Variants in UPF3A observed in about 807,000 individuals in gnomAD.
The protein encoded by UPF3A is regulator of nonsense transcripts 3A.
Under a neutral mutation model 53.5 loss-of-function variants are expected in UPF3A, and 42 were observed. That is an observed-to-expected ratio of 0.78 (90% CI 0.61 to 1.01). The LOEUF (loss-of-function observed/expected upper bound fraction) is 1.01, where lower values mean the gene tolerates loss of function less well. Among genes scored for constraint, UPF3A ranks in the 50% least tolerant of loss-of-function variants. The pLI is 0.00. For missense variants in UPF3A, 575 were observed against 598.0 expected (o/e 0.96, Z 0.40); for synonymous variants, 237 against 225.3 (o/e 1.05, Z -0.47).
At chr13:114,289,439 G>A (rs1271651345) in intron 5 of UPF3A, among the ~76,000 whole-genome samples, 6 of 150,478 alleles carry the variant, frequency 4.0e-5, no homozygotes, top group African/African-American at 1.2e-4. Context: ...CAGGAGAATC[G>A]CTTGAACTCG....
chr13:114,294,683 G>A (rs1023198545), intron 7 of UPF3A, among the ~76,000 whole-genome samples: 2 of 151,510 alleles, frequency 1.3e-5, no homozygotes, highest in African/African-American at 4.9e-5. Context: ...AAAATAGCTG[G>A]GCGTGGTGGC....
chr13:114,291,293 A>G (rs919880419), intron 5 of UPF3A, among the ~76,000 whole-genome samples, 196 bp from the exon 6 acceptor site: 3 of 152,200 alleles, frequency 2.0e-5, no homozygotes, highest in Non-Finnish European at 4.4e-5. Flanking sequence ...GATGTCTACT[A>G]TGTATGAAAT....
rs1398594080 is a variant in UPF3A, at chr13:114,305,086, A to G, written c.*169A>G. On this transcript the variant is annotated 3_prime_UTR_variant, in exon 10 of 10. Transcript: ENST00000375299. Reference sequence around the variant, plus strand: ...AGAAACCATTCTAAAGAAAGTAGTGATCTTGTATTAAATTGAGCAGAATTC... The same window carrying G: ...AGAAACCATTCTAAAGAAAGTAGTGGTCTTGTATTAAATTGAGCAGAATTC... The G allele has an allele frequency of 2.6e-6, 2 of 771,400 alleles. No individual in the cohort carries two copies. The highest frequency in any genetic ancestry group is 3.5e-5 in the African/African-American group (2 of 56,760). The allele number at this position is 771,400 out of a possible 1,614,324, so 47.8% of individuals were successfully genotyped here. A position where few individuals can be genotyped will look rare whatever the true frequency, so the allele number is the denominator to read the frequency against.
Position 114,281,854 on chromosome 13 carries a change from C to CG in UPF3A, c.207+13dup. 7.1e-7 allele frequency: 1 copy of CG among 1,398,736 alleles called. No individual in the cohort carries two copies. The highest frequency in any genetic ancestry group is 1.2e-5 in the South Asian group (1 of 80,868). 86.6% of individuals were successfully genotyped at this position (1,398,736 alleles called of 1,614,324 possible). On this transcript the variant is annotated intron_variant, in intron 1 of 9. Coordinates refer to ENST00000375299, the MANE Select transcript of UPF3A (RefSeq NM_023011.4). ...AGGACGGCCCTGAGCAAGGTGGGGA[C>CG]GGGGGCGGGGCGCGCAAACCTCGCG... is the stretch of plus-strand genomic sequence containing the variant.
intron 8 of UPF3A, among the ~76,000 whole-genome samples, chr13:114,300,842 T>C (rs923474528): frequency 6.6e-6 from 1 of 150,650 alleles, no homozygotes; most frequent in African/African-American, 2.5e-5. Context: ...CCTGGCCTAA[T>C]TTTTGTATTT....
At position 114,298,860 on chromosome 13, in the gene UPF3A, G is replaced by A. The variant is rs779342510; in HGVS notation, c.867G>A (p.Lys289=). ...CTCAGCTTCTTAAGAAACCAGAAAA[G>A]GGAGAGGAACCAACCACAGAGAAAC... The part of the protein sequence containing the change: ...VRIKLLKKPE[K]GEEPTTEKPK... Residue 289 remains lysine, a synonymous_variant, in exon 8 of 10, where the codon AAG becomes AAA. Coordinates refer to ENST00000375299, the MANE Select transcript of UPF3A (RefSeq NM_023011.4). The A allele has an allele frequency of 6.3e-7, 1 of 1,576,880 alleles. No homozygotes were observed. The highest frequency in any genetic ancestry group is 8.6e-7 in the Non-Finnish European group (1 of 1,165,984).
At chr13:114,300,857 T>C (rs1157419369) in intron 8 of UPF3A, among the ~76,000 whole-genome samples, 2 of 151,878 alleles carry the variant, frequency 1.3e-5, no homozygotes, top group Admixed American at 1.3e-4. Flanking sequence ...GTATTTGTAG[T>C]AGAGACAGGA....
At chr13:114,298,799 T>C (rs759466583) in intron 7 of UPF3A, 41 bp from the exon 8 acceptor site, 6 of 1,429,340 alleles carry the variant, frequency 4.2e-6, no homozygotes, top group Non-Finnish European at 4.6e-6. Flanking sequence ...TTTTAAAATA[T>C]GCTCTCAAGG....
chr13:114,299,142 C>G (rs1010231519), intron 8 of UPF3A, 142 bp downstream of exon 8: 5 of 801,772 alleles, frequency 6.2e-6, no homozygotes, highest in Non-Finnish European at 8.9e-6. Flanking sequence ...GCCTTCATTT[C>G]CCATCAGCAT....
At chr13:114,294,591 C>T (rs991143067) in intron 7 of UPF3A, among the ~76,000 whole-genome samples, 15 of 152,216 alleles carry the variant, frequency 9.9e-5, no homozygotes, top group Admixed American at 2.0e-4. Context: ...TTTGGGAGGC[C>T]GAGGCGGGCG....
chr13:114,301,657 T>C, intron 8 of UPF3A, 74 bp from the exon 9 acceptor site: 1 of 1,487,992 alleles, frequency 6.7e-7, no homozygotes, highest in Admixed American at 1.9e-5. Context: ...TCTGGGAACC[T>C]GTGGTCTAGA....
At chr13:114,292,315 G>T (rs536406830) in intron 7 of UPF3A, among the ~76,000 whole-genome samples, 1 of 148,980 alleles carries the variant, frequency 6.7e-6, no homozygotes, top group Admixed American at 6.7e-5. Context: ...GACTCAAGGC[G>T]TACACGTGCA....
intron 7 of UPF3A, among the ~76,000 whole-genome samples, chr13:114,298,373 CAA>C (rs1010627920): frequency 3.3e-4 from 38 of 114,248 alleles, no homozygotes; most frequent in Non-Finnish European, 3.2e-4. Context: ...AACTCCATCT[CAA>C]AAAAAAAAAA....
intron 4 of UPF3A, 32 bp from the exon 5 acceptor site, chr13:114,286,487 T>C: frequency 1.2e-6 from 2 of 1,609,914 alleles, no homozygotes; most frequent in East Asian, 2.2e-5. Context: ...GGAAAGATTA[T>C]ATTTATTTTC....
At chr13:114,283,561 C>T (rs2084349204) in intron 3 of UPF3A, 1 of 167,664 alleles carries the variant, frequency 6.0e-6, no homozygotes, top group Non-Finnish European at 1.2e-5. Context: ...GGTTCTAAAG[C>T]TAAACTATTT....
At chr13:114,287,862 G>A (rs1434347491) in intron 5 of UPF3A, among the ~76,000 whole-genome samples, 5 of 152,034 alleles carry the variant, frequency 3.3e-5, no homozygotes, top group African/African-American at 7.3e-5. Flanking sequence ...GCTGGAGTGC[G>A]GTGGCACAAT....
chr13:114,299,143 C>A, intron 8 of UPF3A, 143 bp downstream of exon 8: 1 of 791,588 alleles, frequency 1.3e-6, no homozygotes, highest in Non-Finnish European at 1.8e-6. Context: ...CCTTCATTTC[C>A]CATCAGCATG....
At chr13:114,292,059 CGCTGGCACACGTTGG>C (rs1322983569) in intron 7 of UPF3A, among the ~76,000 whole-genome samples, 1 of 151,680 alleles carries the variant, frequency 6.6e-6, no homozygotes, top group Non-Finnish European at 1.5e-5. Context: ...AGGAGCCCCA[CGCTGGCACACGTTGG>C]GCTGCTGCTG....
At position 114,291,185 on chromosome 13, in the gene UPF3A, C is replaced by T. The variant is rs145298408; in HGVS notation, c.632-304C>T. 2.2e-3 allele frequency among the ~76,000 whole-genome samples: 331 copies of T among 152,084 alleles called. 2 individuals are homozygous for T. Among genetic ancestry groups the T allele is most frequent in the African/African-American group, 7.5e-3 (310 of 41,486 alleles). On this transcript the variant is annotated intron_variant, in intron 5 of 9. Coordinates refer to ENST00000375299, the MANE Select transcript of UPF3A (RefSeq NM_023011.4). ...AAAACGAAAAAGTTCTCAGAATATG[C>T]GATGTATCAAAATAAATATATGTTA... is the stretch of plus-strand genomic sequence containing the variant.
Sources: gnomAD v4.1 joint callset for allele counts (sites outside exome capture counted in the v4.1 genomes callset) on GRCh38, gnomAD v4.1.1 for gene constraint, MANE v1.5 for transcripts, NCBI Gene and HGNC (gene_info 2026-07-23, HGNC 2026-07-21) for gene names.